The following PTK7 variants were observed in gnomAD, a reference collection of about 807,000 sequenced individuals.
The protein encoded by PTK7 is inactive tyrosine-protein kinase 7.
PTK7 carries 39 observed loss-of-function variants against 116.6 expected under a neutral mutation model. The observed-to-expected ratio is 0.33, with a 90% CI of 0.26 to 0.44. The LOEUF (loss-of-function observed/expected upper bound fraction) is 0.44, where lower values mean the gene tolerates loss of function less well. Among genes scored for constraint, PTK7 ranks in the 20% least tolerant of loss-of-function variants. PTK7 has a pLI of 1.00. For missense variants in PTK7, 1,169 were observed against 1,425.6 expected (o/e 0.82, Z 2.90); for synonymous variants, 546 against 563.6 (o/e 0.97, Z 0.44).
At chr6:43,151,593 G>A (rs1313634544) in intron 17 of PTK7, among the ~76,000 whole-genome samples, 3 of 145,528 alleles carry the variant, frequency 2.1e-5, no homozygotes, top group East Asian at 2.0e-4. Context: ...GTGTGGTGGC[G>A]CGATCTCGGC....
At chr6:43,085,257 T>G (rs1766588558) in intron 1 of PTK7, among the ~76,000 whole-genome samples, 1 of 152,100 alleles carries the variant, frequency 6.6e-6, no homozygotes, top group Non-Finnish European at 1.5e-5. Context: ...AGCCGTTTCC[T>G]TTTGAGGGGT....
chr6:43,081,639 A>G (rs1384019521), intron 1 of PTK7, among the ~76,000 whole-genome samples: 1 of 152,138 alleles, frequency 6.6e-6, no homozygotes, highest in Non-Finnish European at 1.5e-5. Context: ...TCCTGACCTC[A>G]GGTGATCTGC....
chr6:43,129,839 CAG>C lies in PTK7; in HGVS notation c.470+11_470+12del. The C allele has an allele frequency of 6.2e-7, 1 of 1,612,162 alleles. No individual in the cohort carries two copies. Among genetic ancestry groups the C allele is most frequent in the Non-Finnish European group, 8.5e-7 (1 of 1,178,324 alleles). On this transcript the variant is annotated intron_variant, in intron 3 of 19. Coordinates refer to ENST00000230419, the MANE Select transcript of PTK7 (RefSeq NM_002821.5). The surrounding 1 kb of genome is among the most constrained non-coding windows in gnomAD (Gnocchi z 4.5). Reference sequence around the variant, plus strand: ...TTGATGGGCACCCTCGGTAAGGAGTCAGGGAGGTGGGGATGAAGAGGGTTATT... The same window carrying C: ...TTGATGGGCACCCTCGGTAAGGAGTCGGAGGTGGGGATGAAGAGGGTTATT...
At chr6:43,088,069 G>A (rs1293758039) in intron 1 of PTK7, among the ~76,000 whole-genome samples, 5 of 152,270 alleles carry the variant, frequency 3.3e-5, no homozygotes, top group East Asian at 1.9e-4. Context: ...AGGCCAAGGC[G>A]TGAGGATTGC....
chr6:43,158,243 G>A (rs1010697446), intron 17 of PTK7, among the ~76,000 whole-genome samples: 9 of 151,628 alleles, frequency 5.9e-5, no homozygotes, highest in African/African-American at 2.2e-4. Context: ...AGCTTGAAGT[G>A]AGCCGAGATC....
At chr6:43,096,065 C>T (rs968628979) in intron 1 of PTK7, among the ~76,000 whole-genome samples, 2 of 152,170 alleles carry the variant, frequency 1.3e-5, no homozygotes, top group East Asian at 1.9e-4. Context: ...CCAAGAAAGC[C>T]TAGAGAGAGC....
At chr6:43,084,088 C>A (rs1271543984) in intron 1 of PTK7, among the ~76,000 whole-genome samples, 1 of 152,058 alleles carries the variant, frequency 6.6e-6, no homozygotes, top group Admixed American at 6.6e-5. Context: ...AATAGCTGAT[C>A]CAGTTACATA....
At chr6:43,116,766 G>T (rs1449298632) in intron 1 of PTK7, among the ~76,000 whole-genome samples, 1 of 152,128 alleles carries the variant, frequency 6.6e-6, no homozygotes, top group African/African-American at 2.4e-5. Flanking sequence ...CTAGGGCTGG[G>T]TGCTGGGGCA....
chr6:43,130,306 C>T lies in PTK7; in HGVS notation c.547C>T (p.Arg183Trp), dbSNP rs763346596. Reference protein sequence around the residue: ...QSNHTVSSKERNLTLRPAGPE... With the variant: ...QSNHTVSSKEWNLTLRPAGPE... ...CAACCACACAGTCAGCAGCAAGGAG[C>T]GGAACCTGACGCTCCGGCCAGCTGG... The change falls in exon 4 of 20, where the codon CGG becomes TGG. Residue 183 changes from arginine to tryptophan, a missense_variant. Physicochemically the swap from Arg to Trp is moderately radical, Grantham distance 101. This residue lies in a region of PTK7 where 487 missense variants were observed against 549.8 expected (regional missense o/e 0.89). Transcript: ENST00000230419. 1.2e-5 allele frequency: 19 copies of T among 1,612,004 alleles called. No homozygotes were observed. The highest frequency in any genetic ancestry group is 8.9e-5 in the East Asian group (4 of 44,850).
At chr6:43,118,517 C>T (rs138354726) in intron 1 of PTK7, among the ~76,000 whole-genome samples, 2,623 of 150,900 alleles carry the variant, frequency 0.017, 76 homozygotes, top group African/African-American at 0.059. Flanking sequence ...GCCTGGATGA[C>T]AGAGTGAGAC....
chr6:43,124,528 T>C (rs1311488223), intron 1 of PTK7, among the ~76,000 whole-genome samples: 2 of 151,492 alleles, frequency 1.3e-5, no homozygotes, highest in African/African-American at 4.9e-5. Flanking sequence ...TATAAAAAAC[T>C]AGCTGGGCAT....
intron 17 of PTK7, among the ~76,000 whole-genome samples, chr6:43,148,297 G>A (rs901727999): frequency 4.6e-5 from 7 of 152,072 alleles, no homozygotes; most frequent in African/African-American, 1.7e-4. Context: ...TGCCCTTGGG[G>A]CACTTATGAT....
chr6:43,102,630 C>T (rs1411546221), intron 1 of PTK7, among the ~76,000 whole-genome samples: 5 of 151,540 alleles, frequency 3.3e-5, no homozygotes, highest in Admixed American at 6.6e-5. Flanking sequence ...ACAAACCAAC[C>T]GCAAAGGTGT....
chr6:43,113,728 C>T (rs530352093), intron 1 of PTK7, among the ~76,000 whole-genome samples: 18 of 152,322 alleles, frequency 1.2e-4, no homozygotes, highest in Middle Eastern at 6.8e-3. Context: ...TGTCTCACTC[C>T]TGGCCTAATG....
At chr6:43,112,804 C>T (rs1768266608) in intron 1 of PTK7, among the ~76,000 whole-genome samples, 1 of 152,104 alleles carries the variant, frequency 6.6e-6, no homozygotes, top group South Asian at 2.1e-4. Flanking sequence ...CCTTTGGTGG[C>T]TGGCATCAAA....
chr6:43,130,687 C>T (rs750124016), intron 5 of PTK7, 26 bp downstream of exon 5: 3 of 1,613,310 alleles, frequency 1.9e-6, no homozygotes, highest in South Asian at 2.2e-5. Flanking sequence ...GGGAGCATTC[C>T]AGTACCATGT....
intron 1 of PTK7, among the ~76,000 whole-genome samples, chr6:43,102,033 T>TA (rs1166742462): frequency 3.3e-5 from 5 of 151,270 alleles, no homozygotes; most frequent in Admixed American, 2.6e-4. Context: ...CCGTTTCTAC[T>TA]AAAAAAAATA....
intron 17 of PTK7, among the ~76,000 whole-genome samples, chr6:43,152,142 G>T (rs1001790228): frequency 6.6e-6 from 1 of 150,840 alleles, no homozygotes; most frequent in Non-Finnish European, 1.5e-5. Context: ...GAGCCACTGC[G>T]CCCAGCCCAC....
chr6:43,154,109 G>A (rs1771279764), intron 17 of PTK7, among the ~76,000 whole-genome samples: 1 of 152,112 alleles, frequency 6.6e-6, no homozygotes, highest in Non-Finnish European at 1.5e-5. Flanking sequence ...GTTGCAGTGA[G>A]CCGAGATAGC....
Sources: gnomAD v4.1 joint callset for allele counts (sites outside exome capture counted in the v4.1 genomes callset) on GRCh38, gnomAD v4.1.1 for gene constraint, gnomAD v4.1.1 regional missense constraint, Gnocchi (gnomAD v3.1) non-coding constraint, MANE v1.5 for transcripts, NCBI Gene and HGNC (gene_info 2026-07-23, HGNC 2026-07-21) for gene names.